ENOSF1: variants seen among roughly 807,000 people sequenced by gnomAD.
ENOSF1 encodes the protein mitochondrial enolase superfamily member 1.
A neutral mutation model predicts 68.2 loss-of-function variants in ENOSF1; 73 were observed. The observed-to-expected ratio is 1.07, with a 90% CI of 0.89 to 1.30. ENOSF1 has a LOEUF of 1.30. Among genes scored for constraint, ENOSF1 ranks in the 50% most tolerant of loss-of-function variants. ENOSF1 has a pLI of 0.00. For synonymous variants in ENOSF1, 223 were observed against 210.4 expected (o/e 1.06, Z -0.52); for missense variants, 589 against 554.5 (o/e 1.06, Z -0.62).
chr18:676,637 T>C (rs1257181391), intron 14 of ENOSF1, among the ~76,000 whole-genome samples: 1 of 152,216 alleles, frequency 6.6e-6, no homozygotes, highest in Non-Finnish European at 1.5e-5. Flanking sequence ...GGTATTTCTT[T>C]ATAGCAGTGC....
intron 2 of ENOSF1, among the ~76,000 whole-genome samples, chr18:698,894 T>A (rs1414807412): frequency 6.6e-6 from 1 of 152,104 alleles, no homozygotes; most frequent in Non-Finnish European, 1.5e-5. Flanking sequence ...ATTGCTGGGA[T>A]TACAGGCCTG....
Position 671,283 on chromosome 18 carries a change from A to AT in ENOSF1, c.*3021_*3022insA. 1 of 851,302 alleles carries AT rather than the reference A, an allele frequency of 1.2e-6. No homozygotes were observed. The highest frequency in any genetic ancestry group is 2.0e-6 in the Non-Finnish European group (1 of 505,668). 52.7% of individuals were successfully genotyped at this position (851,302 alleles called of 1,614,324 possible). ...AGCTACACTAAATTATTTTTTTAAA[A>AT]AAAGCCTTGCGGTGTCTGCATATTC... On this transcript the variant is annotated 3_prime_UTR_variant, in exon 16 of 16. Transcript: ENST00000647584.
chr18:693,110 G>A lies in ENOSF1; in HGVS notation c.423+772C>T, dbSNP rs2077369986. 9 of 1,289,016 alleles carry A rather than the reference G, an allele frequency of 7.0e-6. No individual in the cohort carries two copies. In the Middle Eastern group the frequency reaches 1.1e-3, roughly 153 times the overall value. The allele number at this position is 1,289,016 out of a possible 1,614,324, so 79.8% of individuals were successfully genotyped here. ...CCGGACTCACAGCCAGCTCTGCATG[G>A]GGTCTGAAGCTCATTCCCCTTTAAT... On this transcript the variant is annotated intron_variant, in intron 5 of 15. Coordinates refer to ENST00000647584, the MANE Select transcript of ENOSF1 (RefSeq NM_017512.7).
the ENOSF1 span, among the ~76,000 whole-genome samples, chr18:665,110 T>C: frequency 6.6e-6 from 1 of 151,816 alleles, no homozygotes; most frequent in African/African-American, 2.4e-5. Flanking sequence ...TTCCTCTTTG[T>C]ACCTCTGGTA....
At chr18:705,854 C>T (rs2078871259) in intron 2 of ENOSF1, among the ~76,000 whole-genome samples, 1 of 151,910 alleles carries the variant, frequency 6.6e-6, no homozygotes, top group Middle Eastern at 3.4e-3. Flanking sequence ...ACTAAAAATA[C>T]AAAAATTGGC....
chr18:679,234 G>C (rs1272308872), intron 11 of ENOSF1, among the ~76,000 whole-genome samples: 1 of 131,648 alleles, frequency 7.6e-6, no homozygotes, highest in African/African-American at 2.9e-5. Flanking sequence ...TTTTGAGACC[G>C]AGTCTTGCTC....
intron 14 of ENOSF1, among the ~76,000 whole-genome samples, chr18:675,758 A>G (rs2075434350): frequency 6.6e-6 from 1 of 152,140 alleles, no homozygotes; most frequent in Non-Finnish European, 1.5e-5. Flanking sequence ...TTTGTGATCT[A>G]TTTTTCAAGA....
At position 674,371 on chromosome 18, in the gene ENOSF1, A is replaced by C. The variant is rs780790526; in HGVS notation, c.1266T>G (p.Ser422=). The part of the protein sequence containing the change: ...PGYSTEMKEE[S]VKKHQYPDGE... The stretch of plus-strand genomic sequence containing the variant: ...CATCTGGATACTGGTGTTTCTTTAC[A>C]GATTCCTCCTTCATTTCTGTTGAGT... The change falls in exon 16 of 16, where the codon TCT becomes TCG. Residue 422 remains serine, a synonymous_variant. Coordinates refer to ENST00000647584, the MANE Select transcript of ENOSF1 (RefSeq NM_017512.7). 1 of 1,613,018 alleles carries C rather than the reference A, an allele frequency of 6.2e-7. No homozygotes were observed. The highest frequency in any genetic ancestry group is 8.5e-7 in the Non-Finnish European group (1 of 1,179,682).
chr18:668,551 G>A (rs2074904854), downstream of ENOSF1, among the ~76,000 whole-genome samples: 1 of 152,204 alleles, frequency 6.6e-6, no homozygotes, highest in Non-Finnish European at 1.5e-5. Flanking sequence ...AATTTTAGGT[G>A]GAAGTGTTGG....
chr18:666,507 C>G (rs2853543), downstream of ENOSF1, among the ~76,000 whole-genome samples: 76,554 of 151,846 alleles, frequency 0.5, 20,062 homozygotes, highest in African/African-American at 0.67. Flanking sequence ...TCCCACCTGT[C>G]CCTAGGAAAA....
Position 672,799 on chromosome 18 carries a change from G to A in ENOSF1, c.*1506C>T. ...TCCTGTGTACTTGTTTCACGGACAT[G>A]AGGAGCAATTACAACAGGTCGTACA... On this transcript the variant is annotated 3_prime_UTR_variant, in exon 16 of 16. Coordinates refer to ENST00000647584, the MANE Select transcript of ENOSF1 (RefSeq NM_017512.7). 6.6e-7 allele frequency: 1 copy of A among 1,504,308 alleles called. No individual in the cohort carries two copies. The highest frequency in any genetic ancestry group is 1.3e-5 in the South Asian group (1 of 75,186). 93.2% of individuals were successfully genotyped at this position (1,504,308 alleles called of 1,614,324 possible).
In ENOSF1 at chr18:712,578, CGCGCACCATGGCCCCT is replaced by C. The variant is rs1426011018; in HGVS notation, c.-7_9del. On this transcript the variant is annotated start_lost and 5_prime_UTR_variant, in exon 1 of 16. Transcript: ENST00000647584. ...CGGACCGAGAGCCGGGAGATCCTGCCGCGCACCATGGCCCCTGCGCCCCGTGGCCGCGGCCCCCGTG... is the reference window on the plus strand; with the variant it reads ...CGGACCGAGAGCCGGGAGATCCTGCCGCGCCCCGTGGCCGCGGCCCCCGTG... 2.2e-5 allele frequency: 34 copies of C among 1,537,506 alleles called. No individual in the cohort carries two copies. The highest frequency in any genetic ancestry group is 2.7e-5 in the Non-Finnish European group (31 of 1,145,840).
In ENOSF1 at chr18:675,323, T is replaced by C. The variant is rs1364749571; in HGVS notation, c.1228A>G (p.Lys410Glu). ...GGGGCCCTCAGGCCACAGCTTACCT[T>C]GGGAGGCATGTAGGAAGCCCGCTGG... ...MIQRASYMPPKDPGYSTEMKE... is the reference protein window; with the variant it reads ...MIQRASYMPPEDPGYSTEMKE... The change falls in exon 15 of 16, where the codon AAG (lysine) becomes GAG (glutamate). Residue 410 changes from lysine to glutamate, a missense_variant and splice_region_variant. Physicochemically the swap from Lys to Glu is moderately conservative, Grantham distance 56. Coordinates refer to ENST00000647584, the MANE Select transcript of ENOSF1 (RefSeq NM_017512.7). 3 of 1,610,568 alleles carry C rather than the reference T, an allele frequency of 1.9e-6. 1 individual carries two copies. Among genetic ancestry groups the C allele is most frequent in the South Asian group, 2.2e-5 (2 of 89,804 alleles).
At chr18:682,998 T>C (rs1007063313) in intron 11 of ENOSF1, 3 of 460,028 alleles carry the variant, frequency 6.5e-6, no homozygotes, top group African/African-American at 4.0e-5. Flanking sequence ...AAATTGCTGG[T>C]AGCCCTTCAA....
intron 9 of ENOSF1, chr18:686,368 G>C (rs1354072072): frequency 4.0e-6 from 1 of 250,218 alleles, no homozygotes; most frequent in Non-Finnish European, 7.7e-6. Context: ...GGGGTGCCGA[G>C]TAAGCCACAC....
chr18:689,606 G>C (rs570443422), intron 8 of ENOSF1, among the ~76,000 whole-genome samples: 2 of 152,146 alleles, frequency 1.3e-5, no homozygotes, highest in Non-Finnish European at 2.9e-5. Context: ...AGGTGAACAG[G>C]AAAGTATTAA....
chr18:687,666 C>T (rs779365760), intron 9 of ENOSF1: 5 of 152,310 alleles, frequency 3.3e-5, no homozygotes, highest in Non-Finnish European at 5.9e-5. Flanking sequence ...CATCAACCAT[C>T]GAGGTTCATC....
Position 674,173 on chromosome 18 carries a change from T to C in ENOSF1, c.*132A>G. 1.5e-6 allele frequency: 1 copy of C among 646,514 alleles called. No individual in the cohort carries two copies. Among genetic ancestry groups the C allele is most frequent in the South Asian group, 2.0e-5 (1 of 50,138 alleles). 40.0% of individuals were successfully genotyped at this position (646,514 alleles called of 1,614,324 possible). On this transcript the variant is annotated 3_prime_UTR_variant, in exon 16 of 16. Coordinates refer to ENST00000647584, the MANE Select transcript of ENOSF1 (RefSeq NM_017512.7). ...AAGTAATAATTACTTAGCTGATTCCTGAGGGTGGTATGACTTCTAGCTGAA... is the reference window on the plus strand; with the variant it reads ...AAGTAATAATTACTTAGCTGATTCCCGAGGGTGGTATGACTTCTAGCTGAA...
chr18:666,924 TGGTGATGGTGATGGA>T (rs2074832453), downstream of ENOSF1, among the ~76,000 whole-genome samples: 12 of 65,230 alleles, frequency 1.8e-4, 4 homozygotes, highest in East Asian at 8.8e-3. Flanking sequence ...GTGATGGAGA[TGGTGATGGTGATGGA>T]GATGGTGATG....
Sources: allele counts gnomAD v4.1 joint callset (sites outside exome capture counted in the v4.1 genomes callset), GRCh38; gene constraint gnomAD v4.1.1; transcripts MANE v1.5; gene names NCBI Gene and HGNC (gene_info 2026-07-23, HGNC 2026-07-21).